The following CACNB4 variants were observed in gnomAD, a reference collection of about 807,000 sequenced individuals.
CACNB4 encodes voltage-dependent L-type calcium channel subunit beta-4.
CACNB4 carries 32 observed loss-of-function variants against 71.2 expected under a neutral mutation model. The ratio of observed to expected loss-of-function variants is 0.45; its 90% CI spans 0.34 to 0.60. The LOEUF is 0.60. CACNB4 is among the 20% of genes least tolerant of loss of function. The pLI is 0.01. For missense variants in CACNB4, 464 were observed against 647.9 expected (o/e 0.72, Z 3.08); for synonymous variants, 231 against 236.9 (o/e 0.97, Z 0.23).
intron 2 of CACNB4, among the ~76,000 whole-genome samples, chr2:152,090,264 C>G (rs911423337): frequency 3.3e-5 from 5 of 152,234 alleles, no homozygotes; most frequent in Non-Finnish European, 5.9e-5. Context: ...TTGACCCTGT[C>G]TGGGGCAGCA....
chr2:152,089,369 A>G (rs1322192041), intron 2 of CACNB4, among the ~76,000 whole-genome samples: 1 of 152,218 alleles, frequency 6.6e-6, no homozygotes, highest in Non-Finnish European at 1.5e-5. Flanking sequence ...AGGGGTGGTC[A>G]AAGAGTGCTT....
At chr2:151,959,153 C>A (rs759095904) in intron 2 of CACNB4, among the ~76,000 whole-genome samples, 1 of 152,158 alleles carries the variant, frequency 6.6e-6, no homozygotes, top group Non-Finnish European at 1.5e-5. Context: ...GGATAATGGA[C>A]ACTTTTTATA....
At chr2:151,974,044 C>T (rs958681625) in intron 2 of CACNB4, 47 of 1,000,786 alleles carry the variant, frequency 4.7e-5, no homozygotes, top group African/African-American at 4.2e-4. Flanking sequence ...AGCGTTCCCT[C>T]GGAGAGTGGA....
chr2:151,962,976 T>G (rs1391352119), intron 2 of CACNB4: 1 of 152,150 alleles, frequency 6.6e-6, no homozygotes. Context: ...TTTTTTATAG[T>G]ACTAACCTTG....
At chr2:151,953,432 G>C (rs918114319) in intron 2 of CACNB4, among the ~76,000 whole-genome samples, 6 of 152,198 alleles carry the variant, frequency 3.9e-5, no homozygotes, top group African/African-American at 1.4e-4. Context: ...AGACAGTCTA[G>C]AGTAGGACAC....
At chr2:151,883,659 A>G in intron 2 of CACNB4, 1 of 411,914 alleles carries the variant, frequency 2.4e-6, no homozygotes, top group Non-Finnish European at 4.5e-6. Context: ...TTTGTGCTAT[A>G]TTAAGCCCAT....
intron 2 of CACNB4, among the ~76,000 whole-genome samples, chr2:151,930,740 C>T (rs986234021): frequency 6.6e-6 from 1 of 151,806 alleles, no homozygotes; most frequent in Non-Finnish European, 1.5e-5. Context: ...ACACTCTATA[C>T]TCCTTTATTT....
chr2:151,839,514 A>G (rs147990389), intron 13 of CACNB4, 135 bp from the exon 14 acceptor site: 6 of 682,034 alleles, frequency 8.8e-6, no homozygotes, highest in African/African-American at 5.3e-5. Flanking sequence ...TGATGCACCA[A>G]TGATCTGCTT....
At chr2:151,860,539 C>G in intron 10 of CACNB4, 172 bp downstream of exon 10, 1 of 621,948 alleles carries the variant, frequency 1.6e-6, no homozygotes, top group South Asian at 2.0e-5. Context: ...AGCAAGCTCT[C>G]GCTACTGCAA....
intron 2 of CACNB4, among the ~76,000 whole-genome samples, chr2:151,905,113 T>C (rs2151516908): frequency 1.3e-5 from 2 of 152,312 alleles, no homozygotes; most frequent in Admixed American, 1.3e-4. Flanking sequence ...CAGGATACTG[T>C]ACTCTTAAAT....
intron 2 of CACNB4, among the ~76,000 whole-genome samples, chr2:152,032,220 TC>T (rs754249453): frequency 6.6e-6 from 1 of 151,992 alleles, no homozygotes; most frequent in African/African-American, 2.4e-5. Flanking sequence ...GGAATCCCCT[TC>T]CCCCCGTCCA....
At chr2:152,080,031 C>G (rs973660548) in intron 2 of CACNB4, among the ~76,000 whole-genome samples, 4 of 152,092 alleles carry the variant, frequency 2.6e-5, no homozygotes, top group Non-Finnish European at 5.9e-5. Context: ...GAATTGTACT[C>G]CAGCATGATG....
intron 2 of CACNB4, among the ~76,000 whole-genome samples, chr2:152,086,465 A>G (rs1294304888): frequency 2.0e-5 from 3 of 152,226 alleles, no homozygotes; most frequent in African/African-American, 4.8e-5. Context: ...ATAATTGAGA[A>G]GCACCTGCCA....
chr2:152,009,475 A>T (rs1352612710), intron 2 of CACNB4, among the ~76,000 whole-genome samples: 2 of 152,200 alleles, frequency 1.3e-5, no homozygotes, highest in Non-Finnish European at 2.9e-5. Flanking sequence ...ATGGTGACAA[A>T]TGTACCATAG....
intron 2 of CACNB4, among the ~76,000 whole-genome samples, chr2:151,994,539 T>C (rs1681932572): frequency 6.6e-6 from 1 of 151,320 alleles, no homozygotes; most frequent in African/African-American, 2.4e-5. Context: ...TGAGGCACAG[T>C]CTCACTCTGT....
In CACNB4 at chr2:152,020,573, G is replaced by A. The variant is rs546875527; in HGVS notation, c.147+77757C>T. Among the ~76,000 whole-genome samples the A allele has an allele frequency of 9.2e-5, 14 of 152,268 alleles. No homozygotes were observed. In the South Asian group the frequency reaches 2.1e-3, roughly 23 times the overall value. Reference sequence around the variant, plus strand: ...GCAGTAGTTTGAGAAGGAAATTGTGGGGAGTTAGTAGGTTTTTGTGTTTAC... The same window carrying A: ...GCAGTAGTTTGAGAAGGAAATTGTGAGGAGTTAGTAGGTTTTTGTGTTTAC... On this transcript the variant is annotated intron_variant, in intron 2 of 13. Coordinates refer to ENST00000539935, the MANE Select transcript of CACNB4 (RefSeq NM_000726.5).
chr2:151,904,538 CTTTT>C (rs11347936), intron 2 of CACNB4, among the ~76,000 whole-genome samples: 8 of 127,582 alleles, frequency 6.3e-5, no homozygotes, highest in Non-Finnish European at 5.2e-5. Flanking sequence ...AGAGATAACT[CTTTT>C]TTTTTTTTTT....
chr2:151,911,962 G>A (rs1022692395), intron 2 of CACNB4, among the ~76,000 whole-genome samples: 4 of 152,126 alleles, frequency 2.6e-5, no homozygotes, highest in Non-Finnish European at 4.4e-5. Context: ...TTGCATAGAT[G>A]TGTTTTTAGT....
chr2:151,944,985 T>C (rs1476114052), intron 2 of CACNB4, among the ~76,000 whole-genome samples: 1 of 152,114 alleles, frequency 6.6e-6, no homozygotes. Context: ...TAACATAACA[T>C]AAAATGTCAG....
Sources: allele counts gnomAD v4.1 joint callset (sites outside exome capture counted in the v4.1 genomes callset), GRCh38; gene constraint gnomAD v4.1.1; transcripts MANE v1.5; gene names NCBI Gene and HGNC (gene_info 2026-07-23, HGNC 2026-07-21).